Variants in SMG6 observed in about 807,000 individuals in gnomAD.
The protein encoded by SMG6 is SMG6 nonsense mediated mRNA decay factor, also known as telomerase-binding protein EST1A.
SMG6 carries 66 observed loss-of-function variants against 142.2 expected under a neutral mutation model. That is an observed-to-expected ratio of 0.46 (90% CI 0.38 to 0.57). The LOEUF (loss-of-function observed/expected upper bound fraction) is 0.57. SMG6 is among the 20% of genes least tolerant of loss of function. SMG6 has a pLI of 0.00. For missense variants in SMG6, 1,793 were observed against 1,832.0 expected (o/e 0.98, Z 0.39); for synonymous variants, 779 against 702.4 (o/e 1.11, Z -1.72).
intron 17 of SMG6, 130 bp downstream of exon 17, chr17:2,065,338 C>T (rs2067910040): frequency 9.9e-7 from 1 of 1,015,010 alleles, no homozygotes; most frequent in South Asian, 1.5e-5. Flanking sequence ...GAAGGAACTC[C>T]CCCACCTGGG....
chr17:2,072,598 TATG>T (rs1406589249), intron 15 of SMG6, among the ~76,000 whole-genome samples: 1 of 152,196 alleles, frequency 6.6e-6, no homozygotes, highest in Non-Finnish European at 1.5e-5. Context: ...GAGATGATCT[TATG>T]ATGCTTACCG....
At chr17:2,198,621 T>C (rs892832902) in intron 10 of SMG6, among the ~76,000 whole-genome samples, 1 of 152,210 alleles carries the variant, frequency 6.6e-6, no homozygotes, top group Non-Finnish European at 1.5e-5. Flanking sequence ...GACCTCTCTG[T>C]ACATTTTTAA....
At chr17:2,217,767 T>C (rs1384324159) in intron 10 of SMG6, among the ~76,000 whole-genome samples, 1 of 151,700 alleles carries the variant, frequency 6.6e-6, no homozygotes, top group Non-Finnish European at 1.5e-5. Flanking sequence ...TCCTGGCACT[T>C]TGGGAGGCCG....
chr17:2,234,326 A>G (rs2073586379), intron 10 of SMG6, among the ~76,000 whole-genome samples: 1 of 151,412 alleles, frequency 6.6e-6, no homozygotes, highest in African/African-American at 2.4e-5. Flanking sequence ...ATAGTTTGCA[A>G]TCTCGGCTCA....
At chr17:2,166,812 G>GA (rs1176775534) in intron 13 of SMG6, among the ~76,000 whole-genome samples, 1 of 152,052 alleles carries the variant, frequency 6.6e-6, no homozygotes, top group Non-Finnish European at 1.5e-5. Flanking sequence ...AATGAAAAAT[G>GA]AAAAAGCAAA....
intron 13 of SMG6, among the ~76,000 whole-genome samples, chr17:2,114,138 C>T (rs774336965): frequency 4.6e-5 from 7 of 152,046 alleles, no homozygotes; most frequent in South Asian, 4.2e-4. Flanking sequence ...GGCACGGTGG[C>T]GCATGCCTGT....
intron 8 of SMG6, among the ~76,000 whole-genome samples, chr17:2,269,291 T>C (rs2074495908): frequency 6.6e-6 from 1 of 150,550 alleles, no homozygotes; most frequent in Admixed American, 6.6e-5. Flanking sequence ...CTTGGCAGGC[T>C]GAGGCATGAG....
At chr17:2,253,544 T>C (rs2074096907) in intron 8 of SMG6, among the ~76,000 whole-genome samples, 1 of 152,142 alleles carries the variant, frequency 6.6e-6, no homozygotes, top group Non-Finnish European at 1.5e-5. Context: ...ACACGTGTAC[T>C]GGAAACAGTC....
intron 10 of SMG6, among the ~76,000 whole-genome samples, chr17:2,229,894 C>T (rs1385616560): frequency 1.3e-5 from 2 of 152,048 alleles, no homozygotes; most frequent in Non-Finnish European, 2.9e-5. Context: ...AGCTGAAAGT[C>T]CTGCTGCCAG....
chr17:2,198,536 A>C (rs1373820384), intron 10 of SMG6, among the ~76,000 whole-genome samples: 1 of 152,220 alleles, frequency 6.6e-6, no homozygotes, highest in Non-Finnish European at 1.5e-5. Context: ...TACCAATGTC[A>C]GTTTCACGAT....
At chr17:2,217,206 CATT>C (rs150006406) in intron 10 of SMG6, among the ~76,000 whole-genome samples, 105 of 152,098 alleles carry the variant, frequency 6.9e-4, no homozygotes, top group African/African-American at 2.3e-3. Context: ...TTCTTTTTAT[CATT>C]ATAATTTTTA....
intron 8 of SMG6, 115 bp downstream of exon 8, chr17:2,282,532 G>A: frequency 1.0e-6 from 1 of 955,640 alleles, no homozygotes; most frequent in Non-Finnish European, 1.6e-6. Context: ...GGAGCCTCAA[G>A]TGGTTTGTCT....
At chr17:2,192,968 A>G (rs775642273) in intron 10 of SMG6, among the ~76,000 whole-genome samples, 1 of 152,256 alleles carries the variant, frequency 6.6e-6, no homozygotes, top group Non-Finnish European at 1.5e-5. Flanking sequence ...AATACACCCA[A>G]GCAAATTATT....
intron 12 of SMG6, 96 bp from the exon 13 acceptor site, chr17:2,172,955 A>C: frequency 1.7e-6 from 2 of 1,199,012 alleles, no homozygotes; most frequent in Non-Finnish European, 2.4e-6. Context: ...CTTGCAGCAA[A>C]TGTTGTCTAG....
At chr17:2,091,640 C>CTTAA (rs1297850153) in intron 13 of SMG6, among the ~76,000 whole-genome samples, 1 of 151,584 alleles carries the variant, frequency 6.6e-6, no homozygotes, top group East Asian at 1.9e-4. Context: ...CTATGTAAAG[C>CTTAA]GTTAAGTACA....
At chr17:2,065,219 GGGAT>G in intron 17 of SMG6, 65 bp from the exon 18 acceptor site, 31 of 1,296,136 alleles carry the variant, frequency 2.4e-5, no homozygotes, top group Non-Finnish European at 3.2e-5. Flanking sequence ...AGGAGGAGGA[GGGAT>G]CCTCTGCCTC....
chr17:2,065,345 T>G (rs1318372796), intron 17 of SMG6, 123 bp downstream of exon 17: 9 of 1,036,670 alleles, frequency 8.7e-6, no homozygotes, highest in Non-Finnish European at 1.3e-5. Flanking sequence ...CTCCCCCACC[T>G]GGGCCTCCAT....
intron 10 of SMG6, among the ~76,000 whole-genome samples, chr17:2,206,042 C>T (rs779177100): frequency 5.5e-4 from 83 of 152,240 alleles, no homozygotes; most frequent in Non-Finnish European, 9.6e-4. Flanking sequence ...CTCCTGACCT[C>T]AACTGATCCA....
intron 12 of SMG6, among the ~76,000 whole-genome samples, chr17:2,180,903 C>T (rs1294680041): frequency 6.6e-6 from 1 of 152,124 alleles, no homozygotes; most frequent in East Asian, 1.9e-4. Flanking sequence ...AAAGAAGAAA[C>T]TCAGGCAAAG....
Sources: allele counts gnomAD v4.1 joint callset (sites outside exome capture counted in the v4.1 genomes callset), GRCh38; gene constraint gnomAD v4.1.1; transcripts MANE v1.5; gene names NCBI Gene and HGNC (gene_info 2026-07-23, HGNC 2026-07-21).